LGSN: variants seen among roughly 807,000 people sequenced by gnomAD.
LGSN encodes the protein lengsin, lens protein with glutamine synthetase domain.
A neutral mutation model predicts 19.5 loss-of-function variants in LGSN; 21 were observed. That is an observed-to-expected ratio of 1.07 (90% confidence interval 0.76 to 1.55). The LOEUF (loss-of-function observed/expected upper bound fraction) is 1.55, where lower values mean the gene tolerates loss of function less well. Among genes scored for constraint, LGSN ranks in the 40% most tolerant of loss-of-function variants. The probability of loss-of-function intolerance (pLI) is 0.00; values close to 1 mark genes in which losing one functional copy is unlikely to be tolerated. For missense variants in LGSN, 673 were observed against 608.5 expected (o/e 1.11, Z -1.12); for synonymous variants, 257 against 215.6 (o/e 1.19, Z -1.68).
chr6:63,549,740 G>T, the LGSN span, among the ~76,000 whole-genome samples: 87 of 152,082 alleles, frequency 5.7e-4, no homozygotes, highest in African/African-American at 2.0e-3. Flanking sequence ...TCACTCATAT[G>T]TGGAAGCTAA....
the LGSN span, among the ~76,000 whole-genome samples, chr6:63,569,092 A>G: frequency 3.3e-5 from 5 of 152,196 alleles, no homozygotes; most frequent in African/African-American, 1.2e-4. Context: ...AAGATTGAAA[A>G]TCAAGGAATC....
chr6:63,385,902 C>T, the LGSN span, among the ~76,000 whole-genome samples: 1 of 152,112 alleles, frequency 6.6e-6, no homozygotes, highest in African/African-American at 2.4e-5. Flanking sequence ...AGGACCGATA[C>T]CCAATATCAC....
At chr6:63,476,417 G>A in the LGSN span, among the ~76,000 whole-genome samples, 1 of 152,222 alleles carries the variant, frequency 6.6e-6, no homozygotes, top group Non-Finnish European at 1.5e-5. Context: ...AATGTGAGGT[G>A]TTAGTAGTTC....
At chr6:63,528,561 C>CA in the LGSN span, among the ~76,000 whole-genome samples, 1 of 151,664 alleles carries the variant, frequency 6.6e-6, no homozygotes, top group Admixed American at 6.6e-5. Flanking sequence ...CTCATCTCTA[C>CA]AAAAAATATA....
At chr6:63,468,105 G>A in the LGSN span, among the ~76,000 whole-genome samples, 1 of 152,046 alleles carries the variant, frequency 6.6e-6, no homozygotes, top group Non-Finnish European at 1.5e-5. Flanking sequence ...AACAATCAGT[G>A]ATACTGTTAT....
chr6:63,427,102 A>G, the LGSN span, among the ~76,000 whole-genome samples: 4 of 150,746 alleles, frequency 2.7e-5, no homozygotes, highest in Middle Eastern at 0.01. Flanking sequence ...CAGGAGTACA[A>G]TGGCGCAATC....
chr6:63,323,771 T>C (rs79086055), upstream of LGSN, among the ~76,000 whole-genome samples: 23 of 147,476 alleles, frequency 1.6e-4, no homozygotes, highest in African/African-American at 6.0e-4. Flanking sequence ...TGTTTTTGCA[T>C]TCTTTTTTTT....
At chr6:63,470,214 TCC>T in the LGSN span, among the ~76,000 whole-genome samples, 1 of 151,658 alleles carries the variant, frequency 6.6e-6, no homozygotes. Context: ...ACACCTGTAA[TCC>T]CAGCATTTTG....
the LGSN span, among the ~76,000 whole-genome samples, chr6:63,349,951 A>G: frequency 3.0e-3 from 450 of 152,334 alleles, 3 homozygotes; most frequent in African/African-American, 0.01. Context: ...AGCTTCACAG[A>G]AGATGAATAT....
chr6:63,502,524 T>C, the LGSN span, among the ~76,000 whole-genome samples: 2 of 152,092 alleles, frequency 1.3e-5, no homozygotes, highest in African/African-American at 4.8e-5. Context: ...AAAAAGAAAG[T>C]TAATATAATA....
At chr6:63,318,747 G>C (rs1353373929) in intron 1 of LGSN, among the ~76,000 whole-genome samples, 2 of 152,096 alleles carry the variant, frequency 1.3e-5, no homozygotes, top group Non-Finnish European at 2.9e-5. Context: ...CTGGAATCCT[G>C]GACTAAAATT....
intron 1 of LGSN, among the ~76,000 whole-genome samples, chr6:63,314,234 C>A (rs939868825): frequency 1.4e-4 from 22 of 152,176 alleles, no homozygotes; most frequent in African/African-American, 4.8e-4. Flanking sequence ...ACAATTAGTG[C>A]CCTTATGGGG....
At chr6:63,466,124 T>A in the LGSN span, among the ~76,000 whole-genome samples, 3 of 152,204 alleles carry the variant, frequency 2.0e-5, no homozygotes, top group Non-Finnish European at 4.4e-5. Context: ...AGTCTTGAAC[T>A]CCTGGCCTCA....
the LGSN span, among the ~76,000 whole-genome samples, chr6:63,357,449 A>G: frequency 6.9e-6 from 1 of 145,666 alleles, no homozygotes; most frequent in African/African-American, 2.8e-5. Context: ...AGTCCCACCA[A>G]CAGTGTAAAG....
At chr6:63,428,805 T>C in the LGSN span, among the ~76,000 whole-genome samples, 4 of 152,220 alleles carry the variant, frequency 2.6e-5, no homozygotes, top group African/African-American at 9.7e-5. Flanking sequence ...TCATGGCTCA[T>C]AGAGAAGTCA....
the LGSN span, among the ~76,000 whole-genome samples, chr6:63,468,471 A>G: frequency 6.6e-6 from 1 of 151,794 alleles, no homozygotes; most frequent in African/African-American, 2.4e-5. Context: ...TCTGTTGCCC[A>G]GGCTGGAATG....
rs1035730231 is a variant in LGSN at position 63,278,611 on chromosome 6, G to C, written c.*1410C>G. ...ACTACAGGCATGTGCCACCATGCGAGGCATTTTTTTTTTTTTTTTTGTAGA... is the reference window on the plus strand; with the variant it reads ...ACTACAGGCATGTGCCACCATGCGACGCATTTTTTTTTTTTTTTTTGTAGA... On this transcript the variant is annotated 3_prime_UTR_variant, in exon 4 of 4. Transcript: ENST00000370657. 6.7e-6 allele frequency: 1 copy of C among 150,198 alleles called. No individual in the cohort carries two copies. 9.3% of individuals were successfully genotyped at this position (150,198 alleles called of 1,614,324 possible). A position where few individuals can be genotyped will look rare whatever the true frequency, so the allele number is the denominator to read the frequency against.
At chr6:63,292,867 A>G (rs1767831993) in intron 2 of LGSN, among the ~76,000 whole-genome samples, 1 of 152,182 alleles carries the variant, frequency 6.6e-6, no homozygotes. Flanking sequence ...ACTAAGATTA[A>G]CTTGGGGGAT....
At chr6:63,468,188 T>G in the LGSN span, among the ~76,000 whole-genome samples, 1 of 152,192 alleles carries the variant, frequency 6.6e-6, no homozygotes, top group South Asian at 2.1e-4. Flanking sequence ...TGGAGTGGAA[T>G]GGTGCAATCT....
Sources: gnomAD v4.1 joint callset for allele counts (sites outside exome capture counted in the v4.1 genomes callset) on GRCh38, gnomAD v4.1.1 for gene constraint, MANE v1.5 for transcripts, NCBI Gene and HGNC (gene_info 2026-07-23, HGNC 2026-07-21) for gene names.